Variants in PRKACB observed in about 807,000 individuals in gnomAD.
PRKACB encodes cAMP-dependent protein kinase catalytic subunit beta.
A neutral mutation model predicts 51.4 loss-of-function variants in PRKACB; 16 were observed. The ratio of observed to expected loss-of-function variants is 0.31; its 90% CI spans 0.21 to 0.47. The LOEUF is 0.47. PRKACB is among the 20% of genes least tolerant of loss of function. The pLI, the probability that PRKACB is intolerant of heterozygous loss-of-function variation, is 1.00. For synonymous variants in PRKACB, 147 were observed against 154.4 expected, an observed-to-expected ratio of 0.95 and a Z score of 0.35; for missense variants, 309 against 464.5, an observed-to-expected ratio of 0.67 and a Z score of 3.08.
intron 1 of PRKACB, among the ~76,000 whole-genome samples, chr1:84,138,632 C>CA (rs1417604521): frequency 6.6e-6 from 1 of 152,180 alleles, no homozygotes; most frequent in Non-Finnish European, 1.5e-5. Context: ...CCAATTCTCA[C>CA]AGTTTCTTCT....
intron 9 of PRKACB, among the ~76,000 whole-genome samples, chr1:84,228,511 T>C (rs1675014626): frequency 1.9e-5 from 1 of 53,418 alleles, no homozygotes; most frequent in African/African-American, 4.3e-5. Flanking sequence ...GCTGTGCAGA[T>C]TATGATTTTT....
chr1:84,088,162 G>C (rs1422142955), intron 1 of PRKACB, among the ~76,000 whole-genome samples: 2 of 152,146 alleles, frequency 1.3e-5, no homozygotes, highest in African/African-American at 4.8e-5. Context: ...ATCCAATGTA[G>C]ATGCCATATT....
At chr1:84,108,150 A>G (rs1317909273) in intron 1 of PRKACB, among the ~76,000 whole-genome samples, 2 of 152,184 alleles carry the variant, frequency 1.3e-5, no homozygotes, top group African/African-American at 4.8e-5. Flanking sequence ...GTCATGAAAA[A>G]GAGTGAGATC....
chr1:84,185,203 C>G (rs1357919240), intron 5 of PRKACB, 21 bp downstream of exon 5: 4 of 1,457,528 alleles, frequency 2.7e-6, no homozygotes. Flanking sequence ...GTTTTGCTTT[C>G]TTCAAATCTT....
intron 8 of PRKACB, chr1:84,204,768 A>G: frequency 1.1e-6 from 1 of 882,722 alleles, no homozygotes; most frequent in Non-Finnish European, 1.4e-6. Flanking sequence ...TCATATAAGA[A>G]ATCCAATTTT....
intron 1 of PRKACB, among the ~76,000 whole-genome samples, chr1:84,159,879 T>C (rs1655973318): frequency 6.6e-6 from 1 of 152,156 alleles, no homozygotes; most frequent in Non-Finnish European, 1.5e-5. Context: ...ACATAGTTCG[T>C]TAATTGATTT....
At chr1:84,128,422 T>C (rs560107873) in intron 1 of PRKACB, among the ~76,000 whole-genome samples, 2 of 152,330 alleles carry the variant, frequency 1.3e-5, no homozygotes, top group Middle Eastern at 3.4e-3. Context: ...TTGATTGTTA[T>C]GGCATACCCA....
chr1:84,127,938 G>C (rs1236728843), intron 1 of PRKACB, among the ~76,000 whole-genome samples: 1 of 151,298 alleles, frequency 6.6e-6, no homozygotes, highest in African/African-American at 2.4e-5. Flanking sequence ...AAAAAATAAA[G>C]AGGCTTTGCT....
chr1:84,192,184 T>A (rs1395852675), intron 5 of PRKACB, among the ~76,000 whole-genome samples: 4 of 152,148 alleles, frequency 2.6e-5, no homozygotes, highest in Non-Finnish European at 4.4e-5. Flanking sequence ...AAGCTTTTTT[T>A]AATAGGTAAT....
intron 9 of PRKACB, among the ~76,000 whole-genome samples, chr1:84,217,561 AC>A (rs66996542): frequency 0.31 from 46,528 of 151,746 alleles, 7,970 homozygotes; most frequent in East Asian, 0.5. Flanking sequence ...TTAGGAGTCC[AC>A]AGTGGGAAGA....
Position 84,093,065 on chromosome 1 carries a change from C to A in PRKACB, c.46+14694C>A, listed in dbSNP as rs140411526. Among the ~76,000 whole-genome samples, 253 of 152,068 alleles carry A rather than the reference C, an allele frequency of 1.7e-3. 1 individual carries two copies. The highest frequency in any genetic ancestry group is 2.9e-3 in the Non-Finnish European group (197 of 67,970). ...CTTTTCACTTTCTTAACGATGTCTC[C>A]TTCATACTGTTTAATAATTTTCAAA... On this transcript the variant is annotated intron_variant, in intron 1 of 8. Coordinates refer to the PRKACB transcript ENST00000370688.
intron 1 of PRKACB, among the ~76,000 whole-genome samples, chr1:84,095,765 T>C (rs2100789190): frequency 6.6e-6 from 1 of 152,136 alleles, no homozygotes; most frequent in South Asian, 2.1e-4. Flanking sequence ...CAATTACATG[T>C]ATATGTAAAA....
chr1:84,228,226 A>T (rs72938502), intron 9 of PRKACB, among the ~76,000 whole-genome samples: 3,888 of 152,308 alleles, frequency 0.026, 176 homozygotes, highest in African/African-American at 0.088. Context: ...ATCTAAATAA[A>T]TTGTAAGTAA....
chr1:84,174,653 A>T (rs1218023546), intron 1 of PRKACB, among the ~76,000 whole-genome samples: 1 of 151,916 alleles, frequency 6.6e-6, no homozygotes, highest in Non-Finnish European at 1.5e-5. Context: ...TATAATGCGT[A>T]ATGTCTTTCC....
chr1:84,215,853 A>C (rs1672802047), intron 9 of PRKACB, among the ~76,000 whole-genome samples: 1 of 152,052 alleles, frequency 6.6e-6, no homozygotes, highest in Non-Finnish European at 1.5e-5. Flanking sequence ...AAGTGTTTTC[A>C]TTTTGAATAT....
chr1:84,130,737 A>T (rs112088751), intron 1 of PRKACB, among the ~76,000 whole-genome samples: 10 of 152,206 alleles, frequency 6.6e-5, no homozygotes, highest in African/African-American at 1.7e-4. Flanking sequence ...AACCAAAGAG[A>T]TAATTCATCA....
chr1:84,169,908 A>G (rs539669362), intron 1 of PRKACB, among the ~76,000 whole-genome samples: 20 of 151,766 alleles, frequency 1.3e-4, no homozygotes, highest in Middle Eastern at 3.4e-3. Flanking sequence ...AGCTTGTCCT[A>G]TAAAGAAAAA....
At chr1:84,091,490 GT>G (rs1187068539) in intron 1 of PRKACB, among the ~76,000 whole-genome samples, 1 of 151,804 alleles carries the variant, frequency 6.6e-6, no homozygotes, top group African/African-American at 2.4e-5. Context: ...TAACTTTCTT[GT>G]TTTTTTGGTT....
At chr1:84,174,569 A>T (rs551997277) in intron 1 of PRKACB, among the ~76,000 whole-genome samples, 4 of 152,062 alleles carry the variant, frequency 2.6e-5, no homozygotes, top group African/African-American at 9.6e-5. Flanking sequence ...TGTTGAAAAG[A>T]TTGTTAAACC....
Sources: allele counts gnomAD v4.1 joint callset (sites outside exome capture counted in the v4.1 genomes callset), GRCh38; gene constraint gnomAD v4.1.1; transcripts MANE v1.5; gene names NCBI Gene and HGNC (gene_info 2026-07-23, HGNC 2026-07-21).